Variants in G2E3 observed in about 807,000 individuals in gnomAD.
G2E3 encodes the protein G2/M-phase specific E3 ubiquitin protein ligase.
A neutral mutation model predicts 92.8 loss-of-function variants in G2E3; 35 were observed. The ratio of observed to expected loss-of-function variants is 0.38; its 90% CI spans 0.29 to 0.50. The LOEUF is 0.50. Among genes scored for constraint, G2E3 ranks in the 20% least tolerant of loss-of-function variants. The pLI is 0.94. For missense variants in G2E3, 554 were observed against 823.8 expected, an observed-to-expected ratio of 0.67 and a Z score of 4.01; for synonymous variants, 242 against 272.4, an observed-to-expected ratio of 0.89 and a Z score of 1.10.
chr14:30,605,530 G>C lies in G2E3; in HGVS notation c.1036G>C (p.Val346Leu). The change falls in exon 11 of 15, where the codon GTA becomes CTA. Residue 346 changes from valine (V) to leucine (L), a missense_variant. By Grantham distance (32) the Val-to-Leu change is conservative. Coordinates refer to ENST00000206595, the MANE Select transcript of G2E3 (RefSeq NM_017769.5). ...GCAAGGCAGCAAATTTAGAAGAAAT[G>C]TATCAACACTATTAATAGAGTTAGG... ...LRQGSKFRRN[V>L]STLLIELGFQ... is the part of the protein sequence containing the mutation. The C allele has an allele frequency of 2.1e-6, 3 of 1,401,816 alleles. No homozygotes were observed. The allele number at this position is 1,401,816 out of a possible 1,614,324, so 86.8% of individuals were successfully genotyped here.
At chr14:30,567,638 A>T (rs549146171) in intron 1 of G2E3, among the ~76,000 whole-genome samples, 3 of 151,690 alleles carry the variant, frequency 2.0e-5, no homozygotes, top group Non-Finnish European at 2.9e-5. Flanking sequence ...TTTTTTTATT[A>T]CATTATCTGG....
chr14:30,591,531 T>G (rs878870325), intron 4 of G2E3, among the ~76,000 whole-genome samples: 1 of 152,164 alleles, frequency 6.6e-6, no homozygotes, highest in African/African-American at 2.4e-5. Flanking sequence ...CTAGAGGCAC[T>G]AAGGGAGAAT....
rs546624125 is a variant in G2E3 at position 30,615,633 on chromosome 14, GTATTAA to G, written c.1864+101_1864+106del. ...TTATTTGTGTATGTTTTGCCTTTTG[GTATTAA>G]TATTAAGATGCTAACTCCGTATTTA... On this transcript the variant is annotated intron_variant, in intron 14 of 14. Coordinates refer to ENST00000206595, the MANE Select transcript of G2E3 (RefSeq NM_017769.5). The G allele has an allele frequency of 3.1e-4, 220 of 715,230 alleles. 1 individual carries two copies. The African/African-American group carries it at 3.4e-3, about 11-fold the overall frequency. The allele number at this position is 715,230 out of a possible 1,614,324, so 44.3% of individuals were successfully genotyped here. A position where few individuals can be genotyped will look rare whatever the true frequency, so the allele number is the denominator to read the frequency against.
In G2E3 at chr14:30,608,080, T is replaced by C; in HGVS notation, c.1500+11T>C. On this transcript the variant is annotated intron_variant, in intron 12 of 14. Transcript: ENST00000206595. ...CAGATTATAATCAGGGTAAGCAATGTATCTGTTTATTAAAATGCACACTAC... is the reference window on the plus strand; with the variant it reads ...CAGATTATAATCAGGGTAAGCAATGCATCTGTTTATTAAAATGCACACTAC... 6.7e-7 allele frequency: 1 copy of C among 1,498,080 alleles called. No individual in the cohort carries two copies. Among genetic ancestry groups the C allele is most frequent in the African/African-American group, 1.4e-5 (1 of 70,754 alleles). 92.8% of individuals were successfully genotyped at this position (1,498,080 alleles called of 1,614,324 possible).
chr14:30,564,942 T>G (rs917211269), intron 1 of G2E3, among the ~76,000 whole-genome samples: 1 of 152,200 alleles, frequency 6.6e-6, no homozygotes, highest in African/African-American at 2.4e-5. Flanking sequence ...TGTGAACATA[T>G]GTATGCAAGT....
At chr14:30,567,233 GA>G (rs1879489788) in intron 1 of G2E3, among the ~76,000 whole-genome samples, 1 of 152,126 alleles carries the variant, frequency 6.6e-6, no homozygotes, top group Non-Finnish European at 1.5e-5. Context: ...AGGGGTTTGA[GA>G]AAGATTGGTG....
chr14:30,609,180 C>T (rs1385569724), intron 12 of G2E3, among the ~76,000 whole-genome samples: 3 of 152,158 alleles, frequency 2.0e-5, no homozygotes, highest in East Asian at 3.8e-4. Flanking sequence ...CTTATCCTAA[C>T]ATCATGTTTT....
chr14:30,588,237 C>T (rs1880820652), intron 3 of G2E3, among the ~76,000 whole-genome samples: 1 of 144,550 alleles, frequency 6.9e-6, no homozygotes, highest in African/African-American at 2.9e-5. Flanking sequence ...GATTATTTTA[C>T]TTTTCTATAA....
At chr14:30,610,206 ATAGAG>A (rs1455303191) in intron 12 of G2E3, among the ~76,000 whole-genome samples, 3 of 152,306 alleles carry the variant, frequency 2.0e-5, no homozygotes, top group East Asian at 1.9e-4. Flanking sequence ...GTTACTAAAG[ATAGAG>A]TAGTGAAGCA....
chr14:30,601,738 A>C (rs756511423), intron 8 of G2E3, 32 bp from the exon 9 acceptor site: 1 of 1,612,816 alleles, frequency 6.2e-7, no homozygotes, highest in South Asian at 1.1e-5. Context: ...ATAATAACAA[A>C]ATGTAAGTTC....
chr14:30,560,573 CTA>C (rs2138745352), intron 1 of G2E3: 1 of 525,762 alleles, frequency 1.9e-6, no homozygotes, highest in South Asian at 2.8e-5. Context: ...CTATACTTCT[CTA>C]AGCCTTTCTG....
chr14:30,595,189 G>T lies in G2E3; in HGVS notation c.528+1550G>T, dbSNP rs139279105. Among the ~76,000 whole-genome samples, 989 of 152,060 alleles carry T rather than the reference G, an allele frequency of 6.5e-3. 8 individuals are homozygous for T. The highest frequency in any genetic ancestry group is 0.01 in the Non-Finnish European group (710 of 67,962). On this transcript the variant is annotated intron_variant, in intron 6 of 14. Transcript: ENST00000206595. ...TTTGTTGGGGAAATATTAGAAATTC[G>T]GTTAATACTTGCAAAGAGGTGTTTA...
At chr14:30,582,007 A>G (rs1308716768) in intron 2 of G2E3, among the ~76,000 whole-genome samples, 1 of 152,106 alleles carries the variant, frequency 6.6e-6, no homozygotes, top group Non-Finnish European at 1.5e-5. Context: ...TTGACACCAC[A>G]TTATGTTGGA....
chr14:30,604,990 G>A (rs1017726242), intron 10 of G2E3, among the ~76,000 whole-genome samples: 2 of 152,092 alleles, frequency 1.3e-5, no homozygotes, highest in Non-Finnish European at 2.9e-5. Context: ...TCTGCTTCCC[G>A]GGTTCAAGTG....
chr14:30,574,613 T>G (rs1177646570), intron 1 of G2E3: 1 of 152,142 alleles, frequency 6.6e-6, no homozygotes, highest in Non-Finnish European at 1.5e-5. Flanking sequence ...GTCTCTTGTT[T>G]CCTTCTTTGT....
chr14:30,616,149 C>G, intron 14 of G2E3, 129 bp from the exon 15 acceptor site: 1 of 656,724 alleles, frequency 1.5e-6, no homozygotes, highest in Non-Finnish European at 2.7e-6. Context: ...TTAGTTTGCC[C>G]AAAACAAATG....
chr14:30,585,440 C>T (rs1388707505), intron 2 of G2E3, among the ~76,000 whole-genome samples: 1 of 152,132 alleles, frequency 6.6e-6, no homozygotes, highest in Non-Finnish European at 1.5e-5. Flanking sequence ...ATGGTCTTGG[C>T]ACTCTTGTTG....
intron 8 of G2E3, among the ~76,000 whole-genome samples, chr14:30,600,221 G>A (rs374676857): frequency 1.0e-3 from 154 of 152,328 alleles, no homozygotes; most frequent in African/African-American, 3.5e-3. Flanking sequence ...ACTTAATTGT[G>A]AAGATTCAGC....
At chr14:30,563,086 C>T (rs1269624980) in intron 1 of G2E3, among the ~76,000 whole-genome samples, 1 of 151,286 alleles carries the variant, frequency 6.6e-6, no homozygotes, top group African/African-American at 2.4e-5. Flanking sequence ...TTTATTTCTA[C>T]AATCTCTCGT....
Sources: gnomAD v4.1 joint callset for allele counts (sites outside exome capture counted in the v4.1 genomes callset) on GRCh38, gnomAD v4.1.1 for gene constraint, MANE v1.5 for transcripts, NCBI Gene and HGNC (gene_info 2026-07-23, HGNC 2026-07-21) for gene names.